The following NPAS3 variants were observed in gnomAD, a reference collection of about 807,000 sequenced individuals.
The protein encoded by NPAS3 is neuronal PAS domain-containing protein 3.
NPAS3 carries 14 observed loss-of-function variants against 73.1 expected under a neutral mutation model. The ratio of observed to expected loss-of-function variants is 0.19; its 90% CI spans 0.13 to 0.30. The LOEUF (loss-of-function observed/expected upper bound fraction) is 0.30. Ranked by LOEUF, NPAS3 falls within the 10% of genes least tolerant of loss-of-function variation. NPAS3 has a pLI of 1.00. For missense variants in NPAS3, 1,096 were observed against 1,250.0 expected (o/e 0.88, Z 1.86); for synonymous variants, 620 against 541.5 (o/e 1.14, Z -2.01).
intron 1 of NPAS3, among the ~76,000 whole-genome samples, chr14:32,995,364 G>T (rs11156780): frequency 0.15 from 23,100 of 152,158 alleles, 1,924 homozygotes; most frequent in African/African-American, 0.22. Flanking sequence ...CCCCATCATT[G>T]TGCCTACTTC....
intron 4 of NPAS3, among the ~76,000 whole-genome samples, chr14:33,528,090 C>T (rs2053881424): frequency 6.6e-6 from 1 of 152,024 alleles, no homozygotes; most frequent in Admixed American, 6.6e-5. Flanking sequence ...AGAAAAAATT[C>T]ATCCTATAGG....
chr14:33,173,886 A>G (rs1345207978), intron 2 of NPAS3, among the ~76,000 whole-genome samples: 1 of 152,184 alleles, frequency 6.6e-6, no homozygotes, highest in Non-Finnish European at 1.5e-5. Context: ...TTAAAACATG[A>G]TGATTGTCAG....
intron 2 of NPAS3, among the ~76,000 whole-genome samples, chr14:33,132,403 G>C (rs1458222159): frequency 6.6e-6 from 1 of 152,118 alleles, no homozygotes; most frequent in Non-Finnish European, 1.5e-5. Context: ...CTGTGTACTT[G>C]TAGGAAGAGA....
chr14:33,029,700 T>C (rs530353071), intron 1 of NPAS3, among the ~76,000 whole-genome samples: 1 of 152,284 alleles, frequency 6.6e-6, no homozygotes, highest in South Asian at 2.1e-4. Flanking sequence ...TCTTTTCATT[T>C]CTGCAATTAA....
intron 2 of NPAS3, among the ~76,000 whole-genome samples, chr14:33,186,501 T>A (rs1172959316): frequency 2.0e-5 from 3 of 152,216 alleles, no homozygotes; most frequent in Non-Finnish European, 4.4e-5. Context: ...TTAGTTTGAA[T>A]ATCCAAATGA....
chr14:33,727,789 C>T (rs531117383), intron 6 of NPAS3, among the ~76,000 whole-genome samples: 20 of 152,228 alleles, frequency 1.3e-4, no homozygotes, highest in Admixed American at 3.9e-4. Flanking sequence ...ACGGAATCCA[C>T]GCAGCATCGC....
intron 4 of NPAS3, among the ~76,000 whole-genome samples, chr14:33,404,477 C>A (rs1566872134): frequency 2.0e-5 from 3 of 152,044 alleles, no homozygotes; most frequent in Middle Eastern, 3.4e-3. Flanking sequence ...ATTTTTAATT[C>A]TTTTTTTCCC....
intron 2 of NPAS3, among the ~76,000 whole-genome samples, chr14:33,117,731 A>G (rs2043113719): frequency 1.3e-5 from 2 of 152,124 alleles, no homozygotes; most frequent in Admixed American, 1.3e-4. Flanking sequence ...TTACTTAGTA[A>G]AGTCATAATT....
intron 1 of NPAS3, among the ~76,000 whole-genome samples, chr14:33,021,711 G>C (rs902395720): frequency 1.3e-5 from 2 of 152,074 alleles, no homozygotes; most frequent in African/African-American, 4.8e-5. Context: ...GAGCCCCTCA[G>C]CACTTTTGGT....
At position 33,561,037 on chromosome 14, in the gene NPAS3, C is replaced by T. The variant is rs559611597; in HGVS notation, c.558+827C>T. Among the ~76,000 whole-genome samples, 110 of 152,284 alleles carry T rather than the reference C, an allele frequency of 7.2e-4. No homozygotes were observed. In the Middle Eastern group the frequency reaches 0.014, roughly 19 times the overall value. On this transcript the variant is annotated intron_variant, in intron 5 of 11. Transcript: ENST00000356141. ...GTGATTGGCTGAGTTTGACCCCTTT[C>T]ATCTGGTAGTTTGGCATGAGGAAAA...
chr14:33,275,883 G>A (rs1384129428), intron 3 of NPAS3, among the ~76,000 whole-genome samples: 1 of 152,162 alleles, frequency 6.6e-6, no homozygotes, highest in Admixed American at 6.5e-5. Context: ...AACTATATGT[G>A]AGTCCTTAGA....
chr14:33,633,170 T>C (rs908821790), intron 5 of NPAS3, among the ~76,000 whole-genome samples: 2 of 152,214 alleles, frequency 1.3e-5, no homozygotes, highest in Admixed American at 6.5e-5. Context: ...GCATATACCA[T>C]GCAATTTATA....
intron 4 of NPAS3, among the ~76,000 whole-genome samples, chr14:33,381,192 C>T (rs1014070772): frequency 6.6e-6 from 1 of 152,142 alleles, no homozygotes; most frequent in Non-Finnish European, 1.5e-5. Context: ...ATAGTAAGAT[C>T]AACTGTATCC....
At chr14:33,066,637 T>C (rs2041290807) in intron 2 of NPAS3, among the ~76,000 whole-genome samples, 1 of 152,150 alleles carries the variant, frequency 6.6e-6, no homozygotes, top group Non-Finnish European at 1.5e-5. Flanking sequence ...ACATAAATGT[T>C]TGCTGTGGTA....
chr14:33,521,290 C>G (rs1052286501), intron 4 of NPAS3, among the ~76,000 whole-genome samples: 5 of 152,066 alleles, frequency 3.3e-5, no homozygotes, highest in African/African-American at 1.2e-4. Flanking sequence ...AGACAAAAGA[C>G]TGATGTCTCC....
At chr14:33,452,513 C>T (rs2049840050) in intron 4 of NPAS3, among the ~76,000 whole-genome samples, 2 of 152,056 alleles carry the variant, frequency 1.3e-5, no homozygotes, top group South Asian at 4.1e-4. Context: ...TGGCTCATGC[C>T]TGTAATCCCA....
chr14:33,250,944 A>G (rs1028542884), intron 3 of NPAS3, among the ~76,000 whole-genome samples: 4 of 152,260 alleles, frequency 2.6e-5, no homozygotes, highest in South Asian at 2.1e-4. Context: ...ATGCACAAAT[A>G]GATGTATTTA....
chr14:33,093,414 A>G (rs2042297657), intron 2 of NPAS3, among the ~76,000 whole-genome samples: 1 of 152,222 alleles, frequency 6.6e-6, no homozygotes, highest in African/African-American at 2.4e-5. Context: ...CAAAACCACA[A>G]TGAGATACCA....
intron 3 of NPAS3, among the ~76,000 whole-genome samples, chr14:33,290,532 C>A (rs2042058758): frequency 6.6e-6 from 1 of 152,188 alleles, no homozygotes; most frequent in Non-Finnish European, 1.5e-5. Flanking sequence ...CAGCAGGCAG[C>A]TGTGTGGGTG....
Sources: allele counts gnomAD v4.1 joint callset (sites outside exome capture counted in the v4.1 genomes callset), GRCh38; gene constraint gnomAD v4.1.1; transcripts MANE v1.5; gene names NCBI Gene and HGNC (gene_info 2026-07-23, HGNC 2026-07-21).